Variants in FOCAD observed in about 807,000 individuals in gnomAD.
FOCAD encodes the protein KIAA1797.
A neutral mutation model predicts 225.6 loss-of-function variants in FOCAD; 198 were observed. The observed-to-expected ratio is 0.88, with a 90% CI of 0.78 to 0.99. FOCAD has a LOEUF of 0.99. Among genes scored for constraint, FOCAD ranks in the 50% least tolerant of loss-of-function variants. The probability of loss-of-function intolerance (pLI) is 0.00; values close to 1 mark genes in which losing one functional copy is unlikely to be tolerated. For synonymous variants in FOCAD, 897 were observed against 755.0 expected, an observed-to-expected ratio of 1.19 and a Z score of -3.08; for missense variants, 2,713 against 2,123.6, an observed-to-expected ratio of 1.28 and a Z score of -5.46.
intron 1 of FOCAD, among the ~76,000 whole-genome samples, chr9:20,699,922 T>C (rs1390773831): frequency 6.7e-6 from 1 of 150,350 alleles, no homozygotes; most frequent in Non-Finnish European, 1.5e-5. Context: ...TCCTACATAC[T>C]GTACTCTGTC....
intron 4 of FOCAD, among the ~76,000 whole-genome samples, chr9:20,739,297 C>G (rs1827406149): frequency 6.6e-6 from 1 of 152,154 alleles, no homozygotes; most frequent in South Asian, 2.1e-4. Flanking sequence ...TGTTAACAAG[C>G]ATAATTAAAC....
At chr9:20,881,227 G>A (rs913963051) in intron 19 of FOCAD, among the ~76,000 whole-genome samples, 2 of 152,214 alleles carry the variant, frequency 1.3e-5, no homozygotes, top group Non-Finnish European at 2.9e-5. Flanking sequence ...GATAGCAAAT[G>A]CAGTGGCACT....
intron 24 of FOCAD, among the ~76,000 whole-genome samples, chr9:20,922,431 A>T (rs1834529049): frequency 6.6e-6 from 1 of 152,200 alleles, no homozygotes; most frequent in Admixed American, 6.5e-5. Flanking sequence ...GGAAGGAAGG[A>T]TGGGCGAATA....
At chr9:20,895,545 A>G (rs1324065647) in intron 21 of FOCAD, among the ~76,000 whole-genome samples, 1 of 151,782 alleles carries the variant, frequency 6.6e-6, no homozygotes, top group African/African-American at 2.4e-5. Context: ...ACACACATAT[A>G]TATATGTCTG....
Position 20,852,178 on chromosome 9 carries a change from G to T in FOCAD, c.1921-10400G>T, listed in dbSNP as rs148811832. ...GCTTTGGGGGAACCATTTTTGTTGTGAATCACTAGCTTTCTAGCACTGAAG... is the reference window on the plus strand; with the variant it reads ...GCTTTGGGGGAACCATTTTTGTTGTTAATCACTAGCTTTCTAGCACTGAAG... On this transcript the variant is annotated intron_variant, in intron 15 of 43. Transcript: ENST00000338382. 1.5e-3 allele frequency among the ~76,000 whole-genome samples: 231 copies of T among 151,826 alleles called. 1 individual carries two copies. Among genetic ancestry groups the T allele is most frequent in the Middle Eastern group, 3.4e-3 (1 of 294 alleles).
At chr9:20,948,013 G>A (rs1442764150) in intron 30 of FOCAD, among the ~76,000 whole-genome samples, 1 of 151,722 alleles carries the variant, frequency 6.6e-6, no homozygotes, top group African/African-American at 2.4e-5. Flanking sequence ...CAATAGTGCA[G>A]TATTACTTTC....
chr9:20,898,044 C>A (rs1312254615), intron 21 of FOCAD, among the ~76,000 whole-genome samples: 3 of 151,726 alleles, frequency 2.0e-5, no homozygotes, highest in African/African-American at 7.3e-5. Flanking sequence ...TCTCTCAGCA[C>A]TTTATTTCAC....
chr9:20,803,786 C>T (rs184735087), intron 11 of FOCAD, among the ~76,000 whole-genome samples: 1 of 152,230 alleles, frequency 6.6e-6, no homozygotes, highest in African/African-American at 2.4e-5. Flanking sequence ...GAGGTGAAGA[C>T]ACCCTAACTC....
At position 20,768,117 on chromosome 9, in the gene FOCAD, T is replaced by C. The variant is rs1394827239; in HGVS notation, c.700-1915T>C. 5.4e-5 allele frequency among the ~76,000 whole-genome samples: 8 copies of C among 149,404 alleles called. No homozygotes were observed. The South Asian group carries it at 1.3e-3, about 25-fold the overall frequency. On this transcript the variant is annotated intron_variant, in intron 7 of 43. Transcript: ENST00000338382. ...CCATTGCTTGTTTTTCTCAGGTTTG[T>C]CAAAGATCAGATAGTTGTAGATATG...
intron 17 of FOCAD, 61 bp downstream of exon 17, chr9:20,866,037 G>T: frequency 1.5e-6 from 2 of 1,378,488 alleles, no homozygotes; most frequent in Admixed American, 2.1e-5. Context: ...TTTGACATTT[G>T]TAAAATAAGA....
intron 21 of FOCAD, among the ~76,000 whole-genome samples, chr9:20,906,046 G>C (rs991411381): frequency 6.6e-6 from 1 of 151,144 alleles, no homozygotes; most frequent in Non-Finnish European, 1.5e-5. Context: ...TCCATTTCTG[G>C]GTCTCTCACT....
intron 4 of FOCAD, chr9:20,726,412 T>C (rs1463217475): frequency 6.6e-6 from 1 of 152,182 alleles, no homozygotes; most frequent in African/African-American, 2.4e-5. Flanking sequence ...GCTTCCCCCA[T>C]TTCTTGTCTT....
rs574873154 is a variant in FOCAD at position 20,849,143 on chromosome 9, C to T, written c.1921-13435C>T. On this transcript the variant is annotated intron_variant, in intron 15 of 43. Coordinates refer to ENST00000338382, the MANE Select transcript of FOCAD (RefSeq NM_001375567.1). ...ATATACTTTTCCAGTACCTCCTTCA[C>T]TTCTCTTGAGTGAAAAGAGCCATGA... 3.3e-5 allele frequency among the ~76,000 whole-genome samples: 5 copies of T among 152,066 alleles called. No individual in the cohort carries two copies. The East Asian group carries it at 9.7e-4, about 29-fold the overall frequency.
intron 5 of FOCAD, among the ~76,000 whole-genome samples, chr9:20,756,446 G>T: frequency 6.6e-6 from 1 of 152,030 alleles, no homozygotes; most frequent in Non-Finnish European, 1.5e-5. Context: ...CCCAACACCC[G>T]TGCAGTAGTT....
chr9:20,840,359 A>G (rs1452524709), intron 15 of FOCAD, among the ~76,000 whole-genome samples: 1 of 151,646 alleles, frequency 6.6e-6, no homozygotes, highest in East Asian at 1.9e-4. Context: ...GTTTTATAGC[A>G]TTCATTGTAG....
At chr9:20,771,977 CTTCCT>C (rs1477165320) in intron 8 of FOCAD, among the ~76,000 whole-genome samples, 2 of 152,122 alleles carry the variant, frequency 1.3e-5, no homozygotes, top group Non-Finnish European at 2.9e-5. Flanking sequence ...ACCTTAATGA[CTTCCT>C]TACTCCAAAT....
rs577095883 is a variant in FOCAD at position 20,920,824 on chromosome 9, G to C, written c.2853-2836G>C. The stretch of plus-strand genomic sequence containing the variant: ...TCTGGGGACTGTTGTGGGGTGGGGG[G>C]AGTGGGGAGGGATAGCATTAGGAGA... On this transcript the variant is annotated intron_variant, in intron 24 of 43. Coordinates refer to ENST00000338382, the MANE Select transcript of FOCAD (RefSeq NM_001375567.1). 3.3e-5 allele frequency among the ~76,000 whole-genome samples: 5 copies of C among 150,374 alleles called. No homozygotes were observed. The East Asian group carries it at 9.9e-4, about 30-fold the overall frequency.
intron 21 of FOCAD, among the ~76,000 whole-genome samples, chr9:20,889,849 A>C (rs887745035): frequency 1.3e-5 from 2 of 152,190 alleles, no homozygotes; most frequent in African/African-American, 4.8e-5. Context: ...TCTTGGTAAT[A>C]GAGTATCTAG....
At chr9:20,954,301 A>G (rs1317611716) in intron 35 of FOCAD, among the ~76,000 whole-genome samples, 1 of 152,186 alleles carries the variant, frequency 6.6e-6, no homozygotes. Context: ...TTAGGAGAAA[A>G]TTCTTACTAA....
Sources: gnomAD v4.1 joint callset for allele counts (sites outside exome capture counted in the v4.1 genomes callset) on GRCh38, gnomAD v4.1.1 for gene constraint, MANE v1.5 for transcripts, NCBI Gene and HGNC (gene_info 2026-07-23, HGNC 2026-07-21) for gene names.